The following ZNF362 variants were observed in gnomAD, a reference collection of about 807,000 sequenced individuals.
The protein encoded by ZNF362 is zinc finger protein 362.
Under a neutral mutation model 42.9 loss-of-function variants are expected in ZNF362, and 11 were observed. That is an observed-to-expected ratio of 0.26 (90% CI 0.16 to 0.42). The LOEUF is 0.42. ZNF362 is among the 20% of genes least tolerant of loss of function. The pLI, the probability that ZNF362 is intolerant of heterozygous loss-of-function variation, is 1.00. For synonymous variants in ZNF362, 255 were observed against 257.3 expected, an observed-to-expected ratio of 0.99 and a Z score of 0.09; for missense variants, 362 against 576.2, an observed-to-expected ratio of 0.63 and a Z score of 3.81.
the ZNF362 span, among the ~76,000 whole-genome samples, chr1:33,210,084 A>G: frequency 1.4e-4 from 21 of 152,164 alleles, no homozygotes; most frequent in Non-Finnish European, 2.9e-4. Flanking sequence ...AGTTCCCTCT[A>G]CACACTGCTT....
chr1:33,276,810 C>A (rs545177175), intron 4 of ZNF362, among the ~76,000 whole-genome samples: 3 of 152,246 alleles, frequency 2.0e-5, no homozygotes, highest in South Asian at 2.1e-4. Flanking sequence ...CTTCTCCCCC[C>A]AGTGGACACG....
the ZNF362 span, among the ~76,000 whole-genome samples, chr1:33,218,966 CACACACACACACACAT>C: frequency 6.6e-6 from 1 of 151,066 alleles, no homozygotes; most frequent in Admixed American, 6.6e-5. Context: ...CACACACACA[CACACACACACACACAT>C]ACACCACCCC....
chr1:33,170,157 C>G, the ZNF362 span, among the ~76,000 whole-genome samples: 2 of 152,060 alleles, frequency 1.3e-5, no homozygotes, highest in African/African-American at 4.8e-5. Flanking sequence ...TGGCAAAACC[C>G]CGTCTCTACT....
chr1:33,132,463 A>G, the ZNF362 span, among the ~76,000 whole-genome samples: 1 of 152,208 alleles, frequency 6.6e-6, no homozygotes, highest in African/African-American at 2.4e-5. Context: ...GTCAACCCCT[A>G]AACTGTACTT....
the ZNF362 span, among the ~76,000 whole-genome samples, chr1:33,216,901 C>T: frequency 4.6e-5 from 7 of 151,516 alleles, no homozygotes; most frequent in Admixed American, 2.6e-4. Flanking sequence ...TGAATAAGGG[C>T]GGTGGGGAAC....
intron 6 of ZNF362, among the ~76,000 whole-genome samples, chr1:33,286,815 G>A (rs1382366922): frequency 6.6e-6 from 1 of 152,122 alleles, no homozygotes; most frequent in Non-Finnish European, 1.5e-5. Flanking sequence ...AGAGAACCAG[G>A]CATCAGATCA....
chr1:33,217,780 T>TCACA, the ZNF362 span, among the ~76,000 whole-genome samples: 11 of 150,868 alleles, frequency 7.3e-5, no homozygotes, highest in South Asian at 4.2e-4. Flanking sequence ...CTCCTTATGT[T>TCACA]CACACACACA....
chr1:33,242,559 A>T, the ZNF362 span, among the ~76,000 whole-genome samples: 1 of 152,182 alleles, frequency 6.6e-6, no homozygotes, highest in Non-Finnish European at 1.5e-5. Flanking sequence ...CCACTAACAT[A>T]CCTGTGAAGA....
At chr1:33,255,637 G>A (rs1254697062), upstream of ZNF362, among the ~76,000 whole-genome samples, 1 of 152,164 alleles carries the variant, frequency 6.6e-6, no homozygotes, top group African/African-American at 2.4e-5. Flanking sequence ...GACAGCCGGT[G>A]CCACCTCTGA....
chr1:33,299,111 C>T lies in ZNF362; in HGVS notation c.*65C>T, dbSNP rs1394639582. On this transcript the variant is annotated 3_prime_UTR_variant, in exon 9 of 9. Coordinates refer to ENST00000539719, the MANE Select transcript of ZNF362 (RefSeq NM_152493.3). The stretch of plus-strand genomic sequence containing the variant: ...CACAGACCCAGGCAGCACCAGGCCC[C>T]AGCTCCCTCCGGGGGCCCTCCAGGA... 2.3e-6 allele frequency: 3 copies of T among 1,312,712 alleles called. No homozygotes were observed. The highest frequency in any genetic ancestry group is 2.3e-5 in the East Asian group (1 of 43,134). 81.3% of individuals were successfully genotyped at this position (1,312,712 alleles called of 1,614,324 possible).
chr1:33,148,790 G>A, the ZNF362 span, among the ~76,000 whole-genome samples: 1 of 152,178 alleles, frequency 6.6e-6, no homozygotes, highest in African/African-American at 2.4e-5. Flanking sequence ...TAGACAATGG[G>A]TCTGAAAAGA....
intron 2 of ZNF362, among the ~76,000 whole-genome samples, chr1:33,275,642 C>CA (rs936387223): frequency 1.3e-5 from 2 of 152,156 alleles, no homozygotes; most frequent in African/African-American, 4.8e-5. Flanking sequence ...TGTCCGTACT[C>CA]AAGGGGTCAG....
At chr1:33,177,292 A>G in the ZNF362 span, among the ~76,000 whole-genome samples, 3 of 152,300 alleles carry the variant, frequency 2.0e-5, no homozygotes, top group African/African-American at 4.8e-5. The surrounding 1 kb of genome is among the most constrained non-coding windows in gnomAD (Gnocchi z 4.1). Flanking sequence ...GACATTTAAA[A>G]ATAGTTTTGG....
chr1:33,238,787 C>T, the ZNF362 span, among the ~76,000 whole-genome samples: 1 of 151,940 alleles, frequency 6.6e-6, no homozygotes, highest in South Asian at 2.1e-4. Flanking sequence ...CCCCCCTGAG[C>T]GTTCTATCTC....
chr1:33,219,616 G>T, the ZNF362 span, among the ~76,000 whole-genome samples: 1 of 152,216 alleles, frequency 6.6e-6, no homozygotes, highest in African/African-American at 2.4e-5. Context: ...GTGAGACGGG[G>T]CATGCCCAGG....
At chr1:33,274,035 C>T (rs12724075) in intron 2 of ZNF362, among the ~76,000 whole-genome samples, 25,150 of 152,262 alleles carry the variant, frequency 0.17, 2,590 homozygotes, top group South Asian at 0.26. Context: ...CTTTACATCT[C>T]GGTCCCCTCC....
chr1:33,205,700 G>C, the ZNF362 span, among the ~76,000 whole-genome samples: 4 of 152,154 alleles, frequency 2.6e-5, no homozygotes, highest in East Asian at 7.7e-4. Context: ...GATCACCTGA[G>C]GTCAGGAGTT....
chr1:33,181,873 G>C, the ZNF362 span: 1 of 167,606 alleles, frequency 6.0e-6, no homozygotes, highest in Non-Finnish European at 1.3e-5. This position sits in a 1 kb window ranked among gnomAD's most constrained non-coding sequence, Gnocchi z 6.5. Flanking sequence ...GGGGAATCCT[G>C]GGGGAGGGGG....
chr1:33,253,447 G>T (rs926402101), upstream of ZNF362, among the ~76,000 whole-genome samples: 1 of 151,904 alleles, frequency 6.6e-6, no homozygotes, highest in Admixed American at 6.6e-5. Flanking sequence ...GCAAGGGAGG[G>T]TGTTCCAGGC....
Sources: allele counts gnomAD v4.1 joint callset (sites outside exome capture counted in the v4.1 genomes callset), GRCh38; gene constraint gnomAD v4.1.1; non-coding constraint Gnocchi (gnomAD v3.1); transcripts MANE v1.5; gene names NCBI Gene and HGNC (gene_info 2026-07-23, HGNC 2026-07-21).